The following DOCK1 variants were observed in gnomAD, a reference collection of about 807,000 sequenced individuals.
DOCK1 encodes dedicator of cytokinesis protein 1.
In DOCK1, 138 loss-of-function variants were observed where a neutral mutation model predicts 262.7. That is an observed-to-expected ratio of 0.53 (90% CI 0.46 to 0.61). The LOEUF is 0.61. Ranked by LOEUF, DOCK1 falls within the 20% of genes least tolerant of loss-of-function variation. The pLI, the probability that DOCK1 is intolerant of heterozygous loss-of-function variation, is 0.00. For synonymous variants in DOCK1, 866 were observed against 867.4 expected, an observed-to-expected ratio of 1.00 and a Z score of 0.03; for missense variants, 1,908 against 2,370.7, an observed-to-expected ratio of 0.80 and a Z score of 4.05.
chr10:126,910,526 A>G (rs1472914057), intron 1 of DOCK1, among the ~76,000 whole-genome samples: 1 of 151,816 alleles, frequency 6.6e-6, no homozygotes, highest in African/African-American at 2.4e-5. Context: ...GTATTTTCAG[A>G]TGATTGCATT....
At chr10:126,978,451 T>C (rs551994393) in intron 3 of DOCK1, among the ~76,000 whole-genome samples, 5 of 152,358 alleles carry the variant, frequency 3.3e-5, no homozygotes, top group African/African-American at 1.2e-4. Flanking sequence ...AAAGGAGTTC[T>C]GCTCTCCTAG....
intron 10 of DOCK1, chr10:127,007,611 T>G (rs2041132137): frequency 6.6e-6 from 1 of 152,228 alleles, no homozygotes. Context: ...GTTTGAAAGG[T>G]AGACAGTGTG....
In DOCK1 at chr10:127,037,713, T is replaced by C. The variant is rs1223074018; in HGVS notation, c.1913-6T>C. 1 of 1,577,930 alleles carries C rather than the reference T, an allele frequency of 6.3e-7. No homozygotes were observed. The highest frequency in any genetic ancestry group is 1.2e-5 in the South Asian group (1 of 84,924). ...TGAAGATCTGATTGTCATTTTCTGTTTCCAGTGGACCTTCTGGGGCTCTTG... is the reference window on the plus strand; with the variant it reads ...TGAAGATCTGATTGTCATTTTCTGTCTCCAGTGGACCTTCTGGGGCTCTTG... On this transcript the variant is annotated splice_polypyrimidine_tract_variant and splice_region_variant and intron_variant, in intron 18 of 51. Coordinates refer to ENST00000623213, the MANE Select transcript of DOCK1 (RefSeq NM_001290223.2).
At chr10:127,288,627 A>C (rs912052300) in intron 29 of DOCK1, among the ~76,000 whole-genome samples, 1 of 151,932 alleles carries the variant, frequency 6.6e-6, no homozygotes, top group African/African-American at 2.4e-5. Flanking sequence ...TTATATGTGT[A>C]ATTTGTCTCT....
chr10:127,423,281 G>A (rs2068616485), intron 46 of DOCK1, among the ~76,000 whole-genome samples: 1 of 152,138 alleles, frequency 6.6e-6, no homozygotes, highest in Non-Finnish European at 1.5e-5. Flanking sequence ...TCTCCTGGGA[G>A]TCCCAGGACT....
At chr10:127,263,515 A>C (rs536690122) in intron 29 of DOCK1, among the ~76,000 whole-genome samples, 1 of 152,236 alleles carries the variant, frequency 6.6e-6, no homozygotes, top group African/African-American at 2.4e-5. Context: ...AGAGTACCAG[A>C]TGGCAAGATG....
intron 27 of DOCK1, among the ~76,000 whole-genome samples, chr10:127,147,917 G>A (rs2052057999): frequency 6.6e-6 from 1 of 150,648 alleles, no homozygotes; most frequent in South Asian, 2.1e-4. Context: ...CGTAGTCCCA[G>A]CTACTCGGGA....
At chr10:127,392,189 T>G (rs117926517) in intron 38 of DOCK1, among the ~76,000 whole-genome samples, 1 of 151,870 alleles carries the variant, frequency 6.6e-6, no homozygotes, top group African/African-American at 2.4e-5. Context: ...TCTCAAACTT[T>G]CGTGGCTTTT....
intron 29 of DOCK1, among the ~76,000 whole-genome samples, chr10:127,281,692 A>G (rs2060967933): frequency 6.6e-6 from 1 of 152,184 alleles, no homozygotes; most frequent in African/African-American, 2.4e-5. Flanking sequence ...GGTCAGCAGA[A>G]GACACGCAGG....
At chr10:127,371,787 G>C (rs760153846) in intron 33 of DOCK1, among the ~76,000 whole-genome samples, 130 of 152,250 alleles carry the variant, frequency 8.5e-4, no homozygotes, top group Non-Finnish European at 5.3e-4. Context: ...GCCTTGAAAT[G>C]CCAACTTTTG....
chr10:127,404,560 G>A, intron 40 of DOCK1, 131 bp downstream of exon 40: 1 of 795,936 alleles, frequency 1.3e-6, no homozygotes, highest in South Asian at 1.8e-5. Context: ...CCATAGCTCG[G>A]TGGTTAGCCC....
chr10:127,357,994 G>A (rs970193860), intron 32 of DOCK1, among the ~76,000 whole-genome samples: 1 of 147,716 alleles, frequency 6.8e-6, no homozygotes, highest in East Asian at 2.0e-4. Context: ...TTTCTACATA[G>A]TTTTTTTTTT....
At chr10:127,076,539 C>T (rs1053029549) in intron 23 of DOCK1, among the ~76,000 whole-genome samples, 4 of 152,136 alleles carry the variant, frequency 2.6e-5, no homozygotes, top group East Asian at 1.9e-4. Flanking sequence ...GAAAACGGGT[C>T]GTGGCGTAAA....
At chr10:127,177,683 G>T (rs2055305205) in intron 27 of DOCK1, among the ~76,000 whole-genome samples, 1 of 152,336 alleles carries the variant, frequency 6.6e-6, no homozygotes, top group Middle Eastern at 3.4e-3. Context: ...TGTCCTGGGG[G>T]TGTCTGAAAA....
chr10:127,018,583 C>T, intron 12 of DOCK1, 127 bp from the exon 13 acceptor site: 1 of 1,464,456 alleles, frequency 6.8e-7, no homozygotes, highest in Non-Finnish European at 9.3e-7. Flanking sequence ...TTCTCATATA[C>T]CCACCTTTTC....
chr10:126,964,482 C>G (rs1470812439), intron 1 of DOCK1, among the ~76,000 whole-genome samples: 2 of 152,192 alleles, frequency 1.3e-5, no homozygotes, highest in South Asian at 4.1e-4. Context: ...GGCATTGGGC[C>G]GTGTGAGGAC....
At chr10:127,136,703 C>T (rs1439684505) in intron 27 of DOCK1, 1 of 152,608 alleles carries the variant, frequency 6.6e-6, no homozygotes, top group Non-Finnish European at 1.5e-5. Flanking sequence ...TACCTAAAAA[C>T]ATTTGATTCA....
chr10:127,129,199 C>T (rs2050156778), intron 27 of DOCK1, among the ~76,000 whole-genome samples: 2 of 152,138 alleles, frequency 1.3e-5, no homozygotes, highest in Admixed American at 1.3e-4. Context: ...AGTGTGTTTC[C>T]ATCCAGTGAA....
chr10:127,175,351 T>A lies in DOCK1; in HGVS notation c.2847+47587T>A. 6.2e-7 allele frequency: 1 copy of A among 1,614,106 alleles called. No individual in the cohort carries two copies. Among genetic ancestry groups the A allele is most frequent in the Non-Finnish European group, 8.5e-7 (1 of 1,180,032 alleles). ...TCGACCACTTCCGTATGAGGCACGA[T>A]TCGTTGGCATTCTTCACCTGCAGCA... is the stretch of plus-strand genomic sequence containing the variant. On this transcript the variant is annotated intron_variant, in intron 27 of 51. Coordinates refer to ENST00000623213, the MANE Select transcript of DOCK1 (RefSeq NM_001290223.2). The surrounding 1 kb of genome is among the most constrained non-coding windows in gnomAD (Gnocchi z 6.3).
Sources: allele counts gnomAD v4.1 joint callset (sites outside exome capture counted in the v4.1 genomes callset), GRCh38; gene constraint gnomAD v4.1.1; non-coding constraint Gnocchi (gnomAD v3.1); transcripts MANE v1.5; gene names NCBI Gene and HGNC (gene_info 2026-07-23, HGNC 2026-07-21).